The following LUZP2 variants were observed in gnomAD, a reference collection of about 807,000 sequenced individuals.
LUZP2 encodes leucine zipper protein 2.
A neutral mutation model predicts 51.6 loss-of-function variants in LUZP2; 52 were observed. The ratio of observed to expected loss-of-function variants is 1.01; its 90% CI spans 0.81 to 1.27. The LOEUF (loss-of-function observed/expected upper bound fraction) is 1.27. Ranked by LOEUF, LUZP2 falls within the 50% of genes most tolerant of loss-of-function variation. The pLI, the probability that LUZP2 is intolerant of heterozygous loss-of-function variation, is 0.00. For missense variants in LUZP2, 436 were observed against 395.4 expected (o/e 1.10, Z -0.87); for synonymous variants, 154 against 137.3 (o/e 1.12, Z -0.85).
intron 1 of LUZP2, among the ~76,000 whole-genome samples, chr11:24,703,886 A>G (rs1024023614): frequency 5.3e-5 from 8 of 152,006 alleles, no homozygotes; most frequent in African/African-American, 1.9e-4. Flanking sequence ...AGAATTATTC[A>G]CAAACTATTT....
chr11:24,507,924 C>T (rs1452266971), intron 1 of LUZP2, among the ~76,000 whole-genome samples: 2 of 151,690 alleles, frequency 1.3e-5, no homozygotes, highest in Non-Finnish European at 2.9e-5. Context: ...AGTGCCTAAA[C>T]TCTGTATCAT....
chr11:24,760,836 C>G (rs1859953225), intron 4 of LUZP2, among the ~76,000 whole-genome samples: 2 of 152,152 alleles, frequency 1.3e-5, no homozygotes, highest in African/African-American at 4.8e-5. Context: ...AGATAAATGA[C>G]TCAGCTGGCT....
chr11:24,986,239 G>A (rs1214628683), intron 9 of LUZP2, among the ~76,000 whole-genome samples: 1 of 151,468 alleles, frequency 6.6e-6, no homozygotes, highest in African/African-American at 2.4e-5. Flanking sequence ...GTTAAATACA[G>A]GCATTATTAA....
Position 25,050,030 on chromosome 11 carries a change from C to A in LUZP2, c.766-8C>A. 1 of 1,566,550 alleles carries A rather than the reference C, an allele frequency of 6.4e-7. No homozygotes were observed. The highest frequency in any genetic ancestry group is 1.9e-5 in the Admixed American group (1 of 53,800). ...TCTTTCTTTCTATCTCTCTTCGTCT[C>A]TTTTAAGCCTCAACAAAGTGCTTCT... On this transcript the variant is annotated splice_polypyrimidine_tract_variant and splice_region_variant and intron_variant, in intron 9 of 11. Transcript: ENST00000336930.
At chr11:25,041,367 A>ACT (rs1422146682) in intron 9 of LUZP2, among the ~76,000 whole-genome samples, 2 of 151,678 alleles carry the variant, frequency 1.3e-5, no homozygotes, top group South Asian at 4.2e-4. Context: ...TCTCTTTCTT[A>ACT]CTCTCTCTCT....
chr11:25,026,586 A>G (rs1439581538), intron 9 of LUZP2, among the ~76,000 whole-genome samples: 1 of 152,058 alleles, frequency 6.6e-6, no homozygotes, highest in Non-Finnish European at 1.5e-5. Flanking sequence ...GCATTGACTA[A>G]TTAAGGGGTG....
chr11:24,811,347 C>T (rs1850014138), intron 5 of LUZP2, among the ~76,000 whole-genome samples: 1 of 152,124 alleles, frequency 6.6e-6, no homozygotes, highest in Non-Finnish European at 1.5e-5. Flanking sequence ...ACACTAATCC[C>T]CCCCTTAATA....
At chr11:24,638,838 T>A (rs928638626) in intron 1 of LUZP2, among the ~76,000 whole-genome samples, 1 of 151,492 alleles carries the variant, frequency 6.6e-6, no homozygotes, top group African/African-American at 2.4e-5. Flanking sequence ...GGAAAATGAA[T>A]CACAGATACT....
chr11:24,961,035 GT>G lies in LUZP2; in HGVS notation c.523-15553del, dbSNP rs538995690. On this transcript the variant is annotated intron_variant, in intron 7 of 11. Coordinates refer to ENST00000336930, the MANE Select transcript of LUZP2 (RefSeq NM_001009909.4). ...TAGTCATTCAGGAGCAGGTTGTTCA[GT>G]TTCCATGTAGTTGAGCGGTTTTGAG... Among the ~76,000 whole-genome samples the G allele has an allele frequency of 2.1e-3, 313 of 152,216 alleles. 1 individual carries two copies. The highest frequency in any genetic ancestry group is 7.1e-3 in the African/African-American group (293 of 41,516).
intron 1 of LUZP2, among the ~76,000 whole-genome samples, chr11:24,604,271 C>T (rs1853838409): frequency 6.6e-6 from 1 of 151,662 alleles, no homozygotes; most frequent in Non-Finnish European, 1.5e-5. Context: ...GCATATAATC[C>T]TGCAAGCACA....
At chr11:24,602,465 T>C (rs1853769854) in intron 1 of LUZP2, among the ~76,000 whole-genome samples, 1 of 149,212 alleles carries the variant, frequency 6.7e-6, no homozygotes, top group South Asian at 2.1e-4. Flanking sequence ...TATGGGCACA[T>C]GTGATCTTTA....
intron 1 of LUZP2, among the ~76,000 whole-genome samples, chr11:24,619,243 A>G (rs1854408505): frequency 6.6e-6 from 1 of 152,082 alleles, no homozygotes; most frequent in African/African-American, 2.4e-5. Flanking sequence ...TATGTTGTCC[A>G]AGCTGGTCTC....
rs182914555 is a variant in LUZP2 at position 24,717,762 on chromosome 11, C to G, written c.63-11407C>G. 6.3e-4 allele frequency among the ~76,000 whole-genome samples: 96 copies of G among 152,152 alleles called. 1 individual carries two copies. In the South Asian group the frequency reaches 0.011, roughly 17 times the overall value. Reference sequence around the variant, plus strand: ...CCTCTCCCTCCTCCCTCCCTTCACCCTCCATTAGACCCAAGTGTCTGTTTT... The same window carrying G: ...CCTCTCCCTCCTCCCTCCCTTCACCGTCCATTAGACCCAAGTGTCTGTTTT... On this transcript the variant is annotated intron_variant, in intron 1 of 11. Transcript: ENST00000336930.
chr11:24,868,228 G>A, intron 5 of LUZP2, among the ~76,000 whole-genome samples: 1 of 7,512 alleles, frequency 1.3e-4, no homozygotes, highest in East Asian at 8.6e-4. Flanking sequence ...CCTGTGTAAA[G>A]ACAGAGATAA....
chr11:24,881,008 TTGTA>T (rs1330395364), intron 5 of LUZP2, among the ~76,000 whole-genome samples: 8 of 152,224 alleles, frequency 5.3e-5, no homozygotes, highest in Admixed American at 5.2e-4. Flanking sequence ...AGAATTCAAT[TTGTA>T]TGAATCTGGG....
At chr11:24,819,090 A>G (rs1590587602) in intron 5 of LUZP2, among the ~76,000 whole-genome samples, 1 of 152,216 alleles carries the variant, frequency 6.6e-6, no homozygotes, top group South Asian at 2.1e-4. Context: ...GCCTGGGAAT[A>G]TCAGGAGTTG....
rs748110770 is a variant in LUZP2 at position 24,833,708 on chromosome 11, G to GCACA, written c.396+70401_396+70402insACAC. Among the ~76,000 whole-genome samples the GCACA allele has an allele frequency of 7.1e-3, 921 of 130,588 alleles. 37 individuals carry two copies. In the East Asian group the frequency reaches 0.13, roughly 19 times the overall value. The allele number at this position is 130,588 out of a possible 152,430, so 85.7% of individuals were successfully genotyped here. On this transcript the variant is annotated intron_variant, in intron 5 of 11. Transcript: ENST00000336930. ...ACGTCCCCCACGCCTGCCACCGCGC[G>GCACA]CGCGCACACACACACACACACACTT...
At chr11:25,055,507 G>T (rs1324464810) in intron 10 of LUZP2, among the ~76,000 whole-genome samples, 1 of 145,658 alleles carries the variant, frequency 6.9e-6, no homozygotes, top group African/African-American at 2.5e-5. Flanking sequence ...TGATCTATCA[G>T]ATTGAGGAGT....
At chr11:24,752,252 C>A (rs963780572) in intron 4 of LUZP2, among the ~76,000 whole-genome samples, 8 of 151,880 alleles carry the variant, frequency 5.3e-5, no homozygotes, top group Non-Finnish European at 1.2e-4. Flanking sequence ...AACAGGTCAC[C>A]CACAAAAGGG....
Sources: allele counts gnomAD v4.1 joint callset (sites outside exome capture counted in the v4.1 genomes callset), GRCh38; gene constraint gnomAD v4.1.1; transcripts MANE v1.5; gene names NCBI Gene and HGNC (gene_info 2026-07-23, HGNC 2026-07-21).